The following DLGAP2 variants were observed in gnomAD, a reference collection of about 807,000 sequenced individuals.
The protein encoded by DLGAP2 is DLG associated protein 2.
A neutral mutation model predicts 100.3 loss-of-function variants in DLGAP2; 26 were observed. The observed-to-expected ratio is 0.26, with a 90% CI of 0.19 to 0.36. The LOEUF (loss-of-function observed/expected upper bound fraction) is 0.36, where lower values mean the gene tolerates loss of function less well. Ranked by LOEUF, DLGAP2 falls within the 10% of genes least tolerant of loss-of-function variation. The pLI is 1.00. For missense variants in DLGAP2, 1,858 were observed against 1,453.2 expected, an observed-to-expected ratio of 1.28 and a Z score of -4.53; for synonymous variants, 886 against 630.1, an observed-to-expected ratio of 1.41 and a Z score of -6.08.
intron 1 of DLGAP2, among the ~76,000 whole-genome samples, chr8:897,342 C>A (rs968808669): frequency 6.6e-6 from 1 of 152,138 alleles, no homozygotes; most frequent in African/African-American, 2.4e-5. Context: ...AGGTGAACAC[C>A]ACGATTGTGC....
intron 2 of DLGAP2, among the ~76,000 whole-genome samples, chr8:1,238,617 C>T (rs1314743434): frequency 1.9e-5 from 2 of 106,764 alleles, no homozygotes; most frequent in Admixed American, 9.1e-5. Context: ...GTCTAGTTCT[C>T]TCACATGGCG....
intron 2 of DLGAP2, among the ~76,000 whole-genome samples, chr8:914,543 A>T (rs540148265): frequency 9.3e-4 from 142 of 152,276 alleles, no homozygotes; most frequent in Non-Finnish European, 1.3e-3. Context: ...TGAGTGGAAA[A>T]ATGTGACCCC....
chr8:1,149,629 T>C lies in DLGAP2; in HGVS notation c.74-109222T>C, dbSNP rs369929407. Among the ~76,000 whole-genome samples, 2 of 152,256 alleles carry C rather than the reference T, an allele frequency of 1.3e-5. 1 individual carries two copies. The highest frequency in any genetic ancestry group is 1.3e-4 in the Admixed American group (2 of 15,290). On this transcript the variant is annotated intron_variant, in intron 2 of 14. Transcript: ENST00000637795. ...TTCTTTAAGCATATAGTTGTTTCTA[T>C]TTTCATCTGGTCAGACTGTATATAT...
In DLGAP2 at chr8:813,538, C is replaced by T. The variant is rs1178529089; in HGVS notation, c.18+75713C>T. 2.6e-5 allele frequency among the ~76,000 whole-genome samples: 4 copies of T among 152,216 alleles called. No individual in the cohort carries two copies. The East Asian group carries it at 5.8e-4, about 22-fold the overall frequency. The stretch of plus-strand genomic sequence containing the variant: ...GTGCGTGTCTTAGATTTCTTCAAAC[C>T]TATTCTTTTATTTTCAAAACTGAGG... On this transcript the variant is annotated intron_variant, in intron 1 of 14. Coordinates refer to ENST00000637795, the MANE Select transcript of DLGAP2 (RefSeq NM_001346810.2).
chr8:1,489,898 AT>A (rs146743200), intron 3 of DLGAP2, among the ~76,000 whole-genome samples: 46 of 149,100 alleles, frequency 3.1e-4, no homozygotes, highest in African/African-American at 5.9e-4. Context: ...AGGCATATCA[AT>A]TTTTTTTTTT....
chr8:1,291,235 T>C (rs192774347), intron 3 of DLGAP2, among the ~76,000 whole-genome samples: 24 of 152,248 alleles, frequency 1.6e-4, no homozygotes, highest in Non-Finnish European at 2.6e-4. Context: ...ACAGAATGGA[T>C]GGAAAATCAC....
At chr8:1,362,568 C>T (rs1001344323) in intron 3 of DLGAP2, among the ~76,000 whole-genome samples, 2 of 152,148 alleles carry the variant, frequency 1.3e-5, no homozygotes, top group African/African-American at 4.8e-5. Context: ...CCTGATCTCT[C>T]ACGGCCACAG....
intron 12 of DLGAP2, among the ~76,000 whole-genome samples, chr8:1,690,023 G>A (rs909095011): frequency 1.3e-5 from 2 of 152,194 alleles, no homozygotes; most frequent in East Asian, 1.9e-4. Flanking sequence ...TACCAAAGCA[G>A]CTGTTTACAA....
At chr8:861,531 C>G (rs1174925712) in intron 1 of DLGAP2, among the ~76,000 whole-genome samples, 3 of 152,190 alleles carry the variant, frequency 2.0e-5, no homozygotes, top group African/African-American at 4.8e-5. Context: ...TTAGTAGGGT[C>G]TTGTCGAATG....
intron 4 of DLGAP2, among the ~76,000 whole-genome samples, chr8:1,534,527 T>C (rs1801087673): frequency 6.6e-6 from 1 of 152,266 alleles, no homozygotes; most frequent in Admixed American, 6.5e-5. Context: ...GTTGAAGAGT[T>C]GAACACCTGA....
intron 3 of DLGAP2, among the ~76,000 whole-genome samples, chr8:1,499,402 T>G (rs1799642669): frequency 6.6e-6 from 1 of 152,212 alleles, no homozygotes; most frequent in African/African-American, 2.4e-5. Flanking sequence ...TTTTAGTTCA[T>G]CCCCAAATTC....
At chr8:1,481,285 G>A (rs1369014829) in intron 3 of DLGAP2, among the ~76,000 whole-genome samples, 3 of 152,034 alleles carry the variant, frequency 2.0e-5, no homozygotes, top group African/African-American at 4.8e-5. Flanking sequence ...CCATGTACAA[G>A]GCCATTAAAA....
intron 3 of DLGAP2, among the ~76,000 whole-genome samples, chr8:1,364,831 C>A (rs1032575987): frequency 6.6e-6 from 1 of 152,186 alleles, no homozygotes; most frequent in African/African-American, 2.4e-5. Context: ...GGGGAGGCTC[C>A]CAGGGCTTTG....
intron 2 of DLGAP2, among the ~76,000 whole-genome samples, chr8:1,148,918 CTA>C (rs1407917885): frequency 6.6e-6 from 1 of 152,106 alleles, no homozygotes; most frequent in Admixed American, 6.5e-5. Context: ...TCAGTGGTCT[CTA>C]TGTATCAATA....
chr8:1,348,941 A>G (rs1801637394), intron 3 of DLGAP2, among the ~76,000 whole-genome samples: 2 of 152,116 alleles, frequency 1.3e-5, no homozygotes, highest in Admixed American at 6.6e-5. Context: ...ATATTGAAGA[A>G]TGGTCACCAT....
chr8:1,667,080 G>C (rs916088968), intron 8 of DLGAP2, among the ~76,000 whole-genome samples: 2 of 152,178 alleles, frequency 1.3e-5, no homozygotes, highest in Non-Finnish European at 2.9e-5. Context: ...TGGCAGGGGT[G>C]GGGTGGTGGT....
intron 1 of DLGAP2, among the ~76,000 whole-genome samples, chr8:803,706 G>A (rs1488822811): frequency 6.6e-6 from 1 of 152,242 alleles, no homozygotes; most frequent in Non-Finnish European, 1.5e-5. Context: ...AGTAGGAGTG[G>A]TTGGGTCAAA....
At chr8:1,144,593 C>T (rs1269842030) in intron 2 of DLGAP2, among the ~76,000 whole-genome samples, 2 of 152,242 alleles carry the variant, frequency 1.3e-5, no homozygotes. Flanking sequence ...CCATCCTGGT[C>T]CCTTTGCCAC....
chr8:1,293,271 G>A (rs1800100666), intron 3 of DLGAP2, among the ~76,000 whole-genome samples: 1 of 152,194 alleles, frequency 6.6e-6, no homozygotes, highest in South Asian at 2.1e-4. Flanking sequence ...GCAGTGCAGG[G>A]GGACTCAGGA....
Sources: allele counts gnomAD v4.1 joint callset (sites outside exome capture counted in the v4.1 genomes callset), GRCh38; gene constraint gnomAD v4.1.1; transcripts MANE v1.5; gene names NCBI Gene and HGNC (gene_info 2026-07-23, HGNC 2026-07-21).